NCAM1: variants seen among roughly 807,000 people sequenced by gnomAD.
NCAM1 encodes neural cell adhesion molecule 1.
In NCAM1, 14 loss-of-function variants were observed where a neutral mutation model predicts 109.8. The observed-to-expected ratio is 0.13, with a 90% CI of 0.08 to 0.20. NCAM1 has a LOEUF of 0.20. NCAM1 is among the 10% of genes least tolerant of loss of function. The pLI is 1.00. For synonymous variants in NCAM1, 418 were observed against 442.9 expected (o/e 0.94, Z 0.70); for missense variants, 774 against 1,109.9 (o/e 0.70, Z 4.30).
intron 1 of NCAM1, among the ~76,000 whole-genome samples, chr11:113,077,360 G>A (rs1555086317): frequency 6.6e-6 from 1 of 152,170 alleles, no homozygotes; most frequent in Non-Finnish European, 1.5e-5. Flanking sequence ...AAGCCAAGAA[G>A]TTCTTTCTAT....
At position 113,164,178 on chromosome 11, in the gene NCAM1, C is replaced by T. The variant is rs571173128; in HGVS notation, c.53-38201C>T. Among the ~76,000 whole-genome samples the T allele has an allele frequency of 7.2e-5, 11 of 152,256 alleles. No homozygotes were observed. The South Asian group carries it at 1.4e-3, about 20-fold the overall frequency. On this transcript the variant is annotated intron_variant, in intron 1 of 19. Coordinates refer to ENST00000316851, the MANE Select transcript of NCAM1 (RefSeq NM_181351.5). The stretch of plus-strand genomic sequence containing the variant: ...ATGGGGGTACATGCTCTGCAGTCTG[C>T]ACTTAGCACTGCACTCTGAACTAAG...
chr11:113,237,949 GATAT>G (rs56234010), intron 14 of NCAM1, among the ~76,000 whole-genome samples: 42,014 of 135,248 alleles, frequency 0.31, 6,883 homozygotes, highest in Middle Eastern at 0.39. Flanking sequence ...TATATATATA[GATAT>G]ATAGATAGAT....
At chr11:113,189,709 G>C (rs1031729334) in intron 1 of NCAM1, among the ~76,000 whole-genome samples, 2 of 152,038 alleles carry the variant, frequency 1.3e-5, no homozygotes, top group African/African-American at 2.4e-5. Context: ...TCACAGACTG[G>C]GATTCAAAGG....
At chr11:113,141,923 A>G (rs1326791188) in intron 1 of NCAM1, among the ~76,000 whole-genome samples, 1 of 152,194 alleles carries the variant, frequency 6.6e-6, no homozygotes, top group Non-Finnish European at 1.5e-5. Context: ...TACTGGAACA[A>G]TTGCGACCTC....
At chr11:113,271,391 AAAAAAG>A (rs1591477332) in intron 18 of NCAM1, among the ~76,000 whole-genome samples, 5 of 151,148 alleles carry the variant, frequency 3.3e-5, no homozygotes, top group Admixed American at 6.6e-5. Flanking sequence ...AAAAAAAAAA[AAAAAAG>A]AAAAGGAAAG....
chr11:113,241,078 A>G (rs1483375978), intron 14 of NCAM1, among the ~76,000 whole-genome samples: 2 of 152,242 alleles, frequency 1.3e-5, no homozygotes, highest in African/African-American at 4.8e-5. Flanking sequence ...CCCTGCAGGC[A>G]GGATCCCCAA....
rs115114394 is a variant in NCAM1 at position 113,039,092 on chromosome 11, G to A, written c.52+77428G>A. On this transcript the variant is annotated intron_variant, in intron 1 of 19. Coordinates refer to ENST00000316851, the MANE Select transcript of NCAM1 (RefSeq NM_181351.5). Reference sequence around the variant, plus strand: ...AACTCACTGATTTAAAAATACATATGCACTCTAAATCTGTTAGCTTTGGTG... The same window carrying A: ...AACTCACTGATTTAAAAATACATATACACTCTAAATCTGTTAGCTTTGGTG... Among the ~76,000 whole-genome samples, 418 of 152,312 alleles carry A rather than the reference G, an allele frequency of 2.7e-3. 2 individuals are homozygous for A. Among genetic ancestry groups the A allele is most frequent in the African/African-American group, 9.7e-3 (405 of 41,558 alleles).
At chr11:113,231,346 A>G in intron 9 of NCAM1, 2 of 1,504,366 alleles carry the variant, frequency 1.3e-6, no homozygotes, top group Non-Finnish European at 1.8e-6. Context: ...CATCCCAAAC[A>G]AAGTCATCTT....
chr11:113,215,295 T>C (rs1591426107), intron 8 of NCAM1, among the ~76,000 whole-genome samples: 1 of 152,174 alleles, frequency 6.6e-6, no homozygotes, highest in Non-Finnish European at 1.5e-5. Flanking sequence ...AGCTTCATTT[T>C]AATGCAACTT....
At chr11:112,982,869 G>A (rs1555068978) in intron 1 of NCAM1, among the ~76,000 whole-genome samples, 1 of 151,844 alleles carries the variant, frequency 6.6e-6, no homozygotes, top group African/African-American at 2.4e-5. Flanking sequence ...GTATACCGCT[G>A]GAAATAGAAG....
chr11:113,041,665 A>C (rs3802848), intron 1 of NCAM1, among the ~76,000 whole-genome samples: 68,275 of 151,786 alleles, frequency 0.45, 16,239 homozygotes, highest in East Asian at 0.8. Context: ...CTTGTCATGT[A>C]ATTTTATTGT....
At chr11:112,981,348 A>C (rs1464669884) in intron 1 of NCAM1, among the ~76,000 whole-genome samples, 1 of 151,998 alleles carries the variant, frequency 6.6e-6, no homozygotes, top group Non-Finnish European at 1.5e-5. Context: ...AAGCAAGGCT[A>C]AGATGGATTT....
intron 1 of NCAM1, among the ~76,000 whole-genome samples, chr11:112,985,455 T>C (rs1418723585): frequency 6.6e-6 from 1 of 151,878 alleles, no homozygotes; most frequent in Non-Finnish European, 1.5e-5. Flanking sequence ...TGATAGTGAT[T>C]GCATTGAATC....
intron 1 of NCAM1, among the ~76,000 whole-genome samples, chr11:113,078,890 T>C (rs1451400355): frequency 1.3e-5 from 2 of 152,192 alleles, no homozygotes; most frequent in African/African-American, 4.8e-5. Flanking sequence ...CATGGCAACT[T>C]GAGTTTTGAA....
At chr11:113,187,563 C>CTGTGTGTGTGTGTG (rs33947463) in intron 1 of NCAM1, among the ~76,000 whole-genome samples, 38 of 147,238 alleles carry the variant, frequency 2.6e-4, no homozygotes, top group African/African-American at 9.0e-4. Flanking sequence ...GTGTGTGTTT[C>CTGTGTGTGTGTGTG]TGTGTGTGTG....
intron 1 of NCAM1, among the ~76,000 whole-genome samples, chr11:113,164,642 GC>G (rs1173705661): frequency 6.6e-6 from 1 of 152,154 alleles, no homozygotes. Context: ...TAGTTGAACA[GC>G]CAGATGAAAA....
At chr11:113,180,609 G>A (rs781795517) in intron 1 of NCAM1, among the ~76,000 whole-genome samples, 48 of 152,328 alleles carry the variant, frequency 3.2e-4, no homozygotes, top group Non-Finnish European at 5.6e-4. Flanking sequence ...TCTTCCTGTA[G>A]CACTAAGTTT....
chr11:113,222,581 G>A (rs1944719263), intron 9 of NCAM1, among the ~76,000 whole-genome samples: 1 of 152,186 alleles, frequency 6.6e-6, no homozygotes, highest in Non-Finnish European at 1.5e-5. Context: ...GTGCTTTATT[G>A]TCCAAAAGTC....
At chr11:113,259,007 G>C (rs1257444613) in intron 16 of NCAM1, among the ~76,000 whole-genome samples, 5 of 151,486 alleles carry the variant, frequency 3.3e-5, no homozygotes, top group Non-Finnish European at 5.9e-5. Context: ...TAAAGCTTTT[G>C]TAGTGCCTAG....
Sources: allele counts gnomAD v4.1 joint callset (sites outside exome capture counted in the v4.1 genomes callset), GRCh38; gene constraint gnomAD v4.1.1; transcripts MANE v1.5; gene names NCBI Gene and HGNC (gene_info 2026-07-23, HGNC 2026-07-21).